ZNF423: variants seen among roughly 807,000 people sequenced by gnomAD.
The protein encoded by ZNF423 is Ebf-associated zinc finger protein.
ZNF423 carries 12 observed loss-of-function variants against 95.8 expected under a neutral mutation model. That is an observed-to-expected ratio of 0.13 (90% confidence interval 0.08 to 0.20). ZNF423 has a LOEUF of 0.20. Among genes scored for constraint, ZNF423 ranks in the 10% least tolerant of loss-of-function variants. ZNF423 has a pLI of 1.00. For synonymous variants in ZNF423, 749 were observed against 711.9 expected, an observed-to-expected ratio of 1.05 and a Z score of -0.83; for missense variants, 1,316 against 1,737.1, an observed-to-expected ratio of 0.76 and a Z score of 4.31.
chr16:49,670,363 C>A (rs2030751841), intron 3 of ZNF423, among the ~76,000 whole-genome samples: 1 of 152,252 alleles, frequency 6.6e-6, no homozygotes, highest in Non-Finnish European at 1.5e-5. Flanking sequence ...TGACTCCTTG[C>A]AAAAGAAGCA....
chr16:49,525,923 T>C (rs1317464921), intron 5 of ZNF423, among the ~76,000 whole-genome samples: 2 of 152,246 alleles, frequency 1.3e-5, no homozygotes, highest in Non-Finnish European at 2.9e-5. Context: ...GCTCTAAGGA[T>C]TATTTAGGCA....
At chr16:49,649,144 C>T (rs972901705) in intron 3 of ZNF423, among the ~76,000 whole-genome samples, 6 of 152,122 alleles carry the variant, frequency 3.9e-5, no homozygotes, top group Non-Finnish European at 8.8e-5. Flanking sequence ...GATGAAAGTA[C>T]ATGCTACCTT....
intron 2 of ZNF423, among the ~76,000 whole-genome samples, chr16:49,769,836 C>T (rs972921886): frequency 6.6e-6 from 1 of 151,674 alleles, no homozygotes; most frequent in African/African-American, 2.4e-5. Context: ...TGCTCTCCTC[C>T]AGGCACAGTG....
chr16:49,595,426 C>T (rs1296660814), intron 5 of ZNF423, among the ~76,000 whole-genome samples: 1 of 152,220 alleles, frequency 6.6e-6, no homozygotes, highest in Admixed American at 6.5e-5. Flanking sequence ...CACTCACTAG[C>T]ATCTTCCTGC....
At chr16:49,553,501 C>T (rs1051737884) in intron 5 of ZNF423, among the ~76,000 whole-genome samples, 2 of 151,978 alleles carry the variant, frequency 1.3e-5, no homozygotes, top group African/African-American at 4.8e-5. Flanking sequence ...CATGCACCAC[C>T]CCCACGGGCT....
intron 2 of ZNF423, among the ~76,000 whole-genome samples, chr16:49,750,488 C>T (rs954023845): frequency 5.3e-5 from 8 of 152,158 alleles, no homozygotes; most frequent in African/African-American, 1.4e-4. Context: ...TCACAGAAGA[C>T]GTGTCAGCCA....
intron 5 of ZNF423, among the ~76,000 whole-genome samples, chr16:49,613,226 A>T (rs751740520): frequency 1.7e-4 from 26 of 152,238 alleles, no homozygotes; most frequent in Non-Finnish European, 3.1e-4. Context: ...CAATTTTGAA[A>T]AAGACAATCA....
At chr16:49,763,708 G>A (rs1480364360) in intron 2 of ZNF423, among the ~76,000 whole-genome samples, 1 of 152,008 alleles carries the variant, frequency 6.6e-6, no homozygotes, top group African/African-American at 2.4e-5. Flanking sequence ...ACCCACACTT[G>A]GGGGTGGCAA....
intron 2 of ZNF423, among the ~76,000 whole-genome samples, chr16:49,785,962 T>C (rs2034304381): frequency 6.6e-6 from 1 of 152,132 alleles, no homozygotes; most frequent in Non-Finnish European, 1.5e-5. Flanking sequence ...ATCCACACAG[T>C]TCCACTGGAT....
chr16:49,553,582 A>C (rs1432328940), intron 5 of ZNF423, among the ~76,000 whole-genome samples: 1 of 151,930 alleles, frequency 6.6e-6, no homozygotes, highest in African/African-American at 2.4e-5. Context: ...CCTAGGCTCA[A>C]GCAATCCTCT....
chr16:49,764,914 A>ATTTTTTTTTTTTTTTTTTTTTT (rs568429802), intron 2 of ZNF423, among the ~76,000 whole-genome samples: 1 of 138,160 alleles, frequency 7.2e-6, no homozygotes. Context: ...CGCCCAGCTA[A>ATTTTTTTTTTTTTTTTTTTTTT]TTTTTTTTTT....
At chr16:49,543,703 G>A (rs747646557) in intron 5 of ZNF423, among the ~76,000 whole-genome samples, 3 of 152,168 alleles carry the variant, frequency 2.0e-5, no homozygotes, top group Admixed American at 6.5e-5. Context: ...CAGCCCTGTC[G>A]CCCGCTGAGC....
At chr16:49,651,228 G>A (rs530251622) in intron 3 of ZNF423, among the ~76,000 whole-genome samples, 1 of 147,300 alleles carries the variant, frequency 6.8e-6, no homozygotes, top group Non-Finnish European at 1.5e-5. Flanking sequence ...GTCTCTCTAT[G>A]TTGCACAGGC....
At chr16:49,731,121 G>T in intron 2 of ZNF423, 150 bp from the exon 3 acceptor site, 1 of 973,364 alleles carries the variant, frequency 1.0e-6, no homozygotes. Flanking sequence ...TTAATAGATG[G>T]GGTTTTTTTG....
intron 2 of ZNF423, among the ~76,000 whole-genome samples, chr16:49,752,805 C>T (rs2033656612): frequency 6.6e-6 from 1 of 152,186 alleles, no homozygotes; most frequent in South Asian, 2.1e-4. Context: ...TTCAAGGTAA[C>T]AGAGAGGGTA....
intron 1 of ZNF423, among the ~76,000 whole-genome samples, chr16:49,811,297 A>G (rs2034748119): frequency 6.6e-6 from 1 of 152,140 alleles, no homozygotes; most frequent in African/African-American, 2.4e-5. Flanking sequence ...AGAGACCCCC[A>G]AGAAAGTCAA....
chr16:49,513,179 T>C (rs189144050), intron 7 of ZNF423, among the ~76,000 whole-genome samples: 3 of 152,314 alleles, frequency 2.0e-5, no homozygotes, highest in Admixed American at 2.0e-4. Flanking sequence ...CTCCCCAGGC[T>C]CCTGGCCTCA....
At chr16:49,834,077 T>C (rs940189008) in intron 1 of ZNF423, among the ~76,000 whole-genome samples, 2 of 152,168 alleles carry the variant, frequency 1.3e-5, no homozygotes, top group Admixed American at 6.5e-5. Context: ...AAGTCCTCAG[T>C]GGGCTGGGCG....
intron 5 of ZNF423, among the ~76,000 whole-genome samples, chr16:49,625,420 T>C (rs971647283): frequency 2.0e-5 from 3 of 152,160 alleles, no homozygotes; most frequent in Admixed American, 2.0e-4. Context: ...GACTAGAGTC[T>C]TGGAGAAAGT....
Sources: allele counts gnomAD v4.1 joint callset (sites outside exome capture counted in the v4.1 genomes callset), GRCh38; gene constraint gnomAD v4.1.1; transcripts MANE v1.5; gene names NCBI Gene and HGNC (gene_info 2026-07-23, HGNC 2026-07-21).